Variants in TRIM33 observed in about 807,000 individuals in gnomAD.
The protein encoded by TRIM33 is E3 ubiquitin-protein ligase TRIM33.
TRIM33 carries 20 observed loss-of-function variants against 125.4 expected under a neutral mutation model. That is an observed-to-expected ratio of 0.16 (90% CI 0.11 to 0.23). The LOEUF is 0.23. Among genes scored for constraint, TRIM33 ranks in the 10% least tolerant of loss-of-function variants. The probability of loss-of-function intolerance (pLI) is 1.00; values close to 1 mark genes in which losing one functional copy is unlikely to be tolerated. For synonymous variants in TRIM33, 564 were observed against 513.9 expected (o/e 1.10, Z -1.32); for missense variants, 920 against 1,411.4 (o/e 0.65, Z 5.58).
At chr1:114,503,440 T>A (rs1570684327) in intron 1 of TRIM33, among the ~76,000 whole-genome samples, 1 of 152,156 alleles carries the variant, frequency 6.6e-6, no homozygotes, top group African/African-American at 2.4e-5. Context: ...ATTGCGCCAC[T>A]GCACTCCAGT....
At chr1:114,487,096 A>AG (rs1651746922) in intron 1 of TRIM33, among the ~76,000 whole-genome samples, 1 of 151,912 alleles carries the variant, frequency 6.6e-6, no homozygotes, top group Non-Finnish European at 1.5e-5. Flanking sequence ...CAAAAAAAAA[A>AG]AAAAAATTAC....
chr1:114,501,324 GA>G (rs1287258283), intron 1 of TRIM33, among the ~76,000 whole-genome samples: 1 of 151,932 alleles, frequency 6.6e-6, no homozygotes, highest in Non-Finnish European at 1.5e-5. Flanking sequence ...TTAGGATAGA[GA>G]ATCTACCTCA....
At chr1:114,404,114 A>T (rs753893191) in intron 15 of TRIM33, among the ~76,000 whole-genome samples, 1 of 152,172 alleles carries the variant, frequency 6.6e-6, no homozygotes, top group Admixed American at 6.5e-5. Context: ...TCCTAAATCT[A>T]GGGATTGTAC....
intron 1 of TRIM33, among the ~76,000 whole-genome samples, chr1:114,492,243 G>C (rs1435825761): frequency 6.6e-6 from 1 of 152,044 alleles, no homozygotes; most frequent in East Asian, 1.9e-4. Context: ...CCATGAATGA[G>C]AATCAATTTT....
intron 1 of TRIM33, among the ~76,000 whole-genome samples, chr1:114,505,319 T>C (rs535859925): frequency 6.6e-6 from 1 of 152,182 alleles, no homozygotes; most frequent in African/African-American, 2.4e-5. Context: ...TCAGAAAAAG[T>C]AGAGCCTAAA....
intron 4 of TRIM33, among the ~76,000 whole-genome samples, chr1:114,440,319 T>C (rs981611564): frequency 1.3e-5 from 2 of 151,732 alleles, no homozygotes; most frequent in Non-Finnish European, 2.9e-5. Context: ...CAATCCTTTA[T>C]TGTGGAAAGA....
intron 4 of TRIM33, among the ~76,000 whole-genome samples, chr1:114,462,262 T>C (rs1208953500): frequency 6.6e-6 from 1 of 152,242 alleles, no homozygotes; most frequent in Admixed American, 6.5e-5. Flanking sequence ...TTGGGATTAC[T>C]GTATCCCCTC....
At chr1:114,423,548 G>C (rs1647338501) in intron 10 of TRIM33, among the ~76,000 whole-genome samples, 1 of 151,710 alleles carries the variant, frequency 6.6e-6, no homozygotes, top group African/African-American at 2.4e-5. Context: ...ATGTGAGCGA[G>C]TATATATTTT....
At chr1:114,475,638 C>T (rs12086242) in intron 1 of TRIM33, among the ~76,000 whole-genome samples, 4,976 of 152,066 alleles carry the variant, frequency 0.033, 253 homozygotes, top group African/African-American at 0.11. Context: ...GCCGAGATGG[C>T]GCCACTGCAC....
chr1:114,484,572 C>A (rs2101502765), intron 1 of TRIM33, among the ~76,000 whole-genome samples: 1 of 151,674 alleles, frequency 6.6e-6, no homozygotes, highest in African/African-American at 2.4e-5. Context: ...ATTAAAAATA[C>A]AAAAATTAGG....
rs940733491 is a variant in TRIM33 at position 114,399,498 on chromosome 1, C to T, written c.3079G>A (p.Asp1027Asn). The change falls in exon 18 of 20, where the codon GAT becomes AAT. Residue 1027 changes from aspartate to asparagine, a missense_variant. Transcript: ENST00000358465. Reference protein sequence around the residue: ...HYQIPDDFVADVRLIFKNCER... With the variant: ...HYQIPDDFVANVRLIFKNCER... ...CAGTTCTTGAAGATCAAACGGACAT[C>T]GGCCACAAAGTCATCCGGGATTTGG... 1 of 1,613,560 alleles carries T rather than the reference C, an allele frequency of 6.2e-7. No individual in the cohort carries two copies. Among genetic ancestry groups the T allele is most frequent in the Admixed American group, 1.7e-5 (1 of 59,980 alleles).
At chr1:114,492,184 G>A (rs1652109600) in intron 1 of TRIM33, among the ~76,000 whole-genome samples, 1 of 152,114 alleles carries the variant, frequency 6.6e-6, no homozygotes, top group Admixed American at 6.5e-5. Context: ...TATTAATACT[G>A]GGGTTACAAA....
At chr1:114,433,801 A>G in intron 4 of TRIM33, 68 bp from the exon 5 acceptor site, 1 of 955,684 alleles carries the variant, frequency 1.0e-6, no homozygotes, top group Non-Finnish European at 1.6e-6. Context: ...AATAAAGAAC[A>G]GCTAAATGAG....
chr1:114,448,040 G>A (rs1211278923), intron 4 of TRIM33, among the ~76,000 whole-genome samples: 12 of 152,108 alleles, frequency 7.9e-5, no homozygotes, highest in Admixed American at 7.9e-4. Flanking sequence ...TTAAAGAGAA[G>A]GATTCGTGTT....
At chr1:114,468,471 G>A (rs1047263190) in intron 1 of TRIM33, 1 of 362,698 alleles carries the variant, frequency 2.8e-6, no homozygotes, top group African/African-American at 2.2e-5. Context: ...TGGGGACAAA[G>A]AATTGGAAGC....
chr1:114,511,015 G>C lies in TRIM33; in HGVS notation c.62C>G (p.Pro21Arg), dbSNP rs1234365027. The change falls in exon 1 of 20, where the codon CCG becomes CGG. Residue 21 changes from proline (P) to arginine (R), a missense_variant. Coordinates refer to ENST00000358465, the MANE Select transcript of TRIM33 (RefSeq NM_015906.4). The stretch of plus-strand genomic sequence containing the variant: ...GGGCCCGGCGGCCCCGGCAGTTACC[G>C]GCGCGCTGCCGCTGCCCCCGCCGCC... ...ESGGGGSGSAPVTAGAAGPAA... is the reference protein window; with the variant it reads ...ESGGGGSGSARVTAGAAGPAA... The C allele has an allele frequency of 1.5e-6, 2 of 1,323,676 alleles. No individual in the cohort carries two copies. Among genetic ancestry groups the C allele is most frequent in the Non-Finnish European group, 9.6e-7 (1 of 1,037,942 alleles). The allele number at this position is 1,323,676 out of a possible 1,614,324, so 82.0% of individuals were successfully genotyped here.
At chr1:114,480,736 T>A (rs974896073) in intron 1 of TRIM33, among the ~76,000 whole-genome samples, 1 of 151,960 alleles carries the variant, frequency 6.6e-6, no homozygotes, top group African/African-American at 2.4e-5. Context: ...AAAGAAGAGA[T>A]TGTCAAACTG....
At chr1:114,506,468 G>A (rs950463550) in intron 1 of TRIM33, among the ~76,000 whole-genome samples, 7 of 151,720 alleles carry the variant, frequency 4.6e-5, no homozygotes, top group African/African-American at 1.7e-4. Flanking sequence ...CCATCTCAGA[G>A]GTAGCCTCAT....
In TRIM33 at chr1:114,397,589, G is replaced by GTTTTGTTTTT; in HGVS notation, c.*58_*59insAAAAACAAAA. 2 of 637,676 alleles carry GTTTTGTTTTT rather than the reference G, an allele frequency of 3.1e-6. No individual in the cohort carries two copies. The highest frequency in any genetic ancestry group is 4.7e-6 in the Non-Finnish European group (2 of 424,410). 39.5% of individuals were successfully genotyped at this position (637,676 alleles called of 1,614,324 possible). On this transcript the variant is annotated 3_prime_UTR_variant, in exon 20 of 20. Transcript: ENST00000358465. The stretch of plus-strand genomic sequence containing the variant: ...CTTAAAAGTTTTCTGGGTTTTTTGT[G>GTTTTGTTTTT]TTTTTTTTTTTTTTTTCGTTTTTTT...
Sources: gnomAD v4.1 joint callset for allele counts (sites outside exome capture counted in the v4.1 genomes callset) on GRCh38, gnomAD v4.1.1 for gene constraint, MANE v1.5 for transcripts, NCBI Gene and HGNC (gene_info 2026-07-23, HGNC 2026-07-21) for gene names.